Variants in SLC12A4 observed in about 807,000 individuals in gnomAD.
SLC12A4 encodes solute carrier family 12 member 4.
Under a neutral mutation model 119.2 loss-of-function variants are expected in SLC12A4, and 84 were observed. That is an observed-to-expected ratio of 0.70 (90% CI 0.59 to 0.85). SLC12A4 has a LOEUF of 0.85. SLC12A4 is among the 40% of genes least tolerant of loss of function. SLC12A4 has a pLI of 0.00. For synonymous variants in SLC12A4, 599 were observed against 604.6 expected (o/e 0.99, Z 0.14); for missense variants, 1,298 against 1,476.3 (o/e 0.88, Z 1.98).
chr16:67,968,141 CGGGCGGCCCGGCCGGCTGGCCTCCCT>C (rs1336333783), intron 1 of SLC12A4, among the ~76,000 whole-genome samples: 1 of 152,152 alleles, frequency 6.6e-6, no homozygotes, highest in Non-Finnish European at 1.5e-5. Flanking sequence ...GTCCCCAAGC[CGGGCGGCCCGGCCGGCTGGCCTCCCT>C]GGGCGGCCAC....
At chr16:67,955,934 T>A (rs1434418721) in intron 5 of SLC12A4, among the ~76,000 whole-genome samples, 1 of 151,734 alleles carries the variant, frequency 6.6e-6, no homozygotes, top group African/African-American at 2.4e-5. Context: ...CCCAGCACTT[T>A]GGGAGGCTGA....
At chr16:67,954,837 T>C in intron 5 of SLC12A4, 64 bp from the exon 6 acceptor site, 2 of 1,600,836 alleles carry the variant, frequency 1.2e-6, no homozygotes, top group Non-Finnish European at 1.7e-6. Flanking sequence ...GGTCTCCCTG[T>C]GACAAGCCTG....
intron 1 of SLC12A4, chr16:67,963,866 C>G (rs568995704): frequency 1.4e-5 from 22 of 1,537,140 alleles, no homozygotes; most frequent in Middle Eastern, 3.4e-4. Flanking sequence ...GGGGCGGGGC[C>G]AGCGTTTGAC....
chr16:67,956,282 A>C (rs966967087), intron 5 of SLC12A4, among the ~76,000 whole-genome samples: 2 of 152,246 alleles, frequency 1.3e-5, no homozygotes, highest in African/African-American at 4.8e-5. Context: ...ATTCATGTTC[A>C]AGGATGTTCA....
chr16:67,947,534 A>T, intron 15 of SLC12A4, 99 bp from the exon 16 acceptor site: 2 of 1,487,792 alleles, frequency 1.3e-6, no homozygotes, highest in Non-Finnish European at 1.8e-6. Context: ...AAGACCACCC[A>T]GGGGTCCTGA....
Position 67,944,316 on chromosome 16 carries a change from G to A in SLC12A4, c.*524C>T. 1.4e-6 allele frequency: 2 copies of A among 1,406,426 alleles called. No homozygotes were observed. The highest frequency in any genetic ancestry group is 9.2e-7 in the Non-Finnish European group (1 of 1,082,052). 87.1% of individuals were successfully genotyped at this position (1,406,426 alleles called of 1,614,324 possible). A position where few individuals can be genotyped will look rare whatever the true frequency, so the allele number is the denominator to read the frequency against. ...TTGGCGCCAGGGGAAACAGAGCCGG[G>A]GCAGCAGGAGGCCCAGAACTACACA... On this transcript the variant is annotated 3_prime_UTR_variant, in exon 24 of 24. Transcript: ENST00000316341. This position sits in a 1 kb window ranked among gnomAD's most constrained non-coding sequence, Gnocchi z 6.6.
Position 67,944,755 on chromosome 16 carries a change from T to G in SLC12A4, c.*85A>C, listed in dbSNP as rs1598206594. 6.5e-7 allele frequency: 1 copy of G among 1,537,618 alleles called. No individual in the cohort carries two copies. On this transcript the variant is annotated 3_prime_UTR_variant, in exon 24 of 24. Transcript: ENST00000316341. The surrounding 1 kb of genome is among the most constrained non-coding windows in gnomAD (Gnocchi z 6.6). ...CAGGCAAGCAGGGCTGGCAGGTGGGTGCTGGGAAGAGGCTGTTACCCCAGA... is the reference window on the plus strand; with the variant it reads ...CAGGCAAGCAGGGCTGGCAGGTGGGGGCTGGGAAGAGGCTGTTACCCCAGA...
chr16:67,961,830 C>G, intron 2 of SLC12A4, 124 bp from the exon 3 acceptor site: 2 of 1,292,094 alleles, frequency 1.5e-6, no homozygotes, highest in Non-Finnish European at 2.2e-6. Flanking sequence ...ATCCCAGTTC[C>G]TACCTGGGGA....
At chr16:67,946,702 C>T in intron 17 of SLC12A4, 69 bp from the exon 18 acceptor site, 5 of 1,518,996 alleles carry the variant, frequency 3.3e-6, no homozygotes, top group Non-Finnish European at 4.5e-6. Flanking sequence ...CTCCCAAGGC[C>T]CCTCGGGAAC....
intron 1 of SLC12A4, chr16:67,964,092 C>T (rs2030745325): frequency 6.6e-7 from 1 of 1,522,552 alleles, no homozygotes; most frequent in Non-Finnish European, 8.9e-7. Context: ...GCAGGGCAGC[C>T]CGGGGCATGC....
At position 67,945,496 on chromosome 16, in the gene SLC12A4, CGTCCGA is replaced by C; in HGVS notation, c.2899_2904del (p.Ser967_Asp968del). The C allele has an allele frequency of 1.2e-6, 2 of 1,614,072 alleles. No individual in the cohort carries two copies. Among genetic ancestry groups the C allele is most frequent in the Non-Finnish European group, 1.7e-6 (2 of 1,180,010 alleles). On this transcript the variant is annotated inframe_deletion, in exon 22 of 24. Transcript: ENST00000316341. The stretch of plus-strand genomic sequence containing the variant: ...GCCCCCACTGCAGACTCATCTTCCT[CGTCCGA>C]GTACAGGCTCTCCAGCCGCAGGGCC...
chr16:67,957,390 C>A, intron 5 of SLC12A4: 15 of 236,152 alleles, frequency 6.4e-5, no homozygotes, highest in South Asian at 3.1e-4. Flanking sequence ...AGGATGGTCT[C>A]GATCTCCTGC....
At position 67,946,946 on chromosome 16, in the gene SLC12A4, G is replaced by A. The variant is rs747800343; in HGVS notation, c.2232C>T (p.Ala744=). 3.5e-5 allele frequency: 56 copies of A among 1,612,802 alleles called. No individual in the cohort carries two copies. The highest frequency in any genetic ancestry group is 4.5e-5 in the East Asian group (2 of 44,872). The part of the protein sequence containing the change: ...SFLESYGEAQ[A]AEQTIKNMME... ...TCCCCAAAGCAAGTACCTGCTCGGC[G>A]GCCTGAGCCTCGCCATAGCTCTCCA... Residue 744 remains alanine (A), a synonymous_variant, in exon 17 of 24, where the codon GCC becomes GCT. Coordinates refer to ENST00000316341, the MANE Select transcript of SLC12A4 (RefSeq NM_005072.5).
chr16:67,948,557 T>C (rs1463573202), intron 13 of SLC12A4, among the ~76,000 whole-genome samples: 1 of 152,092 alleles, frequency 6.6e-6, no homozygotes, highest in Non-Finnish European at 1.5e-5. Flanking sequence ...AGCTGGACCA[T>C]TTGAATGCAA....
intron 1 of SLC12A4, chr16:67,963,876 C>A (rs1598232409): frequency 7.2e-6 from 11 of 1,535,124 alleles, no homozygotes; most frequent in South Asian, 7.2e-5. Flanking sequence ...CAGCGTTTGA[C>A]CCGCCCCCAG....
chr16:67,957,863 T>C, intron 4 of SLC12A4, 35 bp downstream of exon 4: 1 of 1,614,010 alleles, frequency 6.2e-7, no homozygotes. Flanking sequence ...CCGTGGCCCA[T>C]GCCCAGCCCA....
At position 67,946,577 on chromosome 16, in the gene SLC12A4, C is replaced by T. The variant is rs1451836921; in HGVS notation, c.2298G>A (p.Val766=). The change falls in exon 18 of 24, where the codon GTG becomes GTA. Residue 766 remains valine (V), a synonymous_variant. Coordinates refer to ENST00000316341, the MANE Select transcript of SLC12A4 (RefSeq NM_005072.5). ...CCAGCCCCTCCCGCACCTTGCTGGC[C>T]ACCACCACCTGGCAGAAGCCCTTCA... ...EKVKGFCQVV[V]ASKVREGLAH... The T allele has an allele frequency of 1.2e-6, 2 of 1,613,062 alleles. No homozygotes were observed. The highest frequency in any genetic ancestry group is 4.5e-5 in the East Asian group (2 of 44,882).
At chr16:67,964,467 G>A (rs113565269) in intron 1 of SLC12A4, among the ~76,000 whole-genome samples, 1 of 151,942 alleles carries the variant, frequency 6.6e-6, no homozygotes, top group African/African-American at 2.4e-5. Flanking sequence ...TATGAGTCTC[G>A]GTGGGTGCCA....
At position 67,949,819 on chromosome 16, in the gene SLC12A4, C is replaced by G. The variant is rs2058392980; in HGVS notation, c.1729G>C (p.Val577Leu). Reference protein sequence around the residue: ...LGILIASLDMVAPILSMFFLM... With the variant: ...LGILIASLDMLAPILSMFFLM... ...GCTCACATGGATAAGATGGGGGCCA[C>G]CATGTCGAGGGAGGCGATGAGGATG... The change falls in exon 13 of 24, where the codon GTG (valine) becomes CTG (leucine). Residue 577 changes from valine to leucine, a missense_variant. Val to Leu is a conservative substitution (Grantham distance 32). Transcript: ENST00000316341. The surrounding 1 kb of genome is among the most constrained non-coding windows in gnomAD (Gnocchi z 4.6). The G allele has an allele frequency of 1.2e-6, 2 of 1,610,270 alleles. No individual in the cohort carries two copies. The highest frequency in any genetic ancestry group is 3.4e-5 in the Admixed American group (2 of 59,670).
Sources: gnomAD v4.1 joint callset for allele counts (sites outside exome capture counted in the v4.1 genomes callset) on GRCh38, gnomAD v4.1.1 for gene constraint, Gnocchi (gnomAD v3.1) non-coding constraint, MANE v1.5 for transcripts, NCBI Gene and HGNC (gene_info 2026-07-23, HGNC 2026-07-21) for gene names.